The following SCAI variants were observed in gnomAD, a reference collection of about 807,000 sequenced individuals.
SCAI encodes the protein suppressor of cancer cell invasion, also known as protein SCAI.
A neutral mutation model predicts 92.2 loss-of-function variants in SCAI; 24 were observed. That is an observed-to-expected ratio of 0.26 (90% confidence interval 0.19 to 0.37). The LOEUF is 0.37. Among genes scored for constraint, SCAI ranks in the 10% least tolerant of loss-of-function variants. SCAI has a pLI of 1.00. For synonymous variants in SCAI, 261 were observed against 258.6 expected (o/e 1.01, Z -0.09); for missense variants, 450 against 736.2 (o/e 0.61, Z 4.50).
chr9:125,022,198 T>A (rs1341314934), intron 6 of SCAI, among the ~76,000 whole-genome samples: 2 of 152,202 alleles, frequency 1.3e-5, no homozygotes, highest in African/African-American at 4.8e-5. Flanking sequence ...AACACTTTGC[T>A]TTATCATAAT....
chr9:125,136,267 C>T lies in SCAI; in HGVS notation c.98+6366G>A, dbSNP rs181581995. On this transcript the variant is annotated intron_variant, in intron 2 of 17. Transcript: ENST00000336505. Reference sequence around the variant, plus strand: ...CTGGGACTACAGGTGTGTACCACCACACCTGGCTAATTTTCGTATTTTTGG... The same window carrying T: ...CTGGGACTACAGGTGTGTACCACCATACCTGGCTAATTTTCGTATTTTTGG... 2.8e-4 allele frequency among the ~76,000 whole-genome samples: 43 copies of T among 151,524 alleles called. No homozygotes were observed. The East Asian group carries it at 8.2e-3, about 29-fold the overall frequency.
intron 6 of SCAI, among the ~76,000 whole-genome samples, chr9:125,026,475 T>C (rs1244350676): frequency 6.6e-6 from 1 of 151,990 alleles, no homozygotes; most frequent in East Asian, 1.9e-4. Context: ...TGAAGAGATA[T>C]GAATTAAGAT....
intron 14 of SCAI, among the ~76,000 whole-genome samples, chr9:124,984,505 G>T (rs955985789): frequency 7.9e-5 from 12 of 152,206 alleles, no homozygotes; most frequent in African/African-American, 2.9e-4. Context: ...GGCAGAGGAG[G>T]TAATAGGATC....
At chr9:125,004,161 G>A (rs1483446175) in intron 9 of SCAI, among the ~76,000 whole-genome samples, 1 of 151,972 alleles carries the variant, frequency 6.6e-6, no homozygotes, top group African/African-American at 2.4e-5. Flanking sequence ...GGGTAACAGA[G>A]AAAGACTCTG....
In SCAI at chr9:125,070,927, C is replaced by T. The variant is rs1428423001; in HGVS notation, c.99-14920G>A. Among the ~76,000 whole-genome samples the T allele has an allele frequency of 2.0e-5, 3 of 152,184 alleles. No individual in the cohort carries two copies. The East Asian group carries it at 5.8e-4, about 29-fold the overall frequency. ...TAATTCCCATGTGTTGTGGGAGGGA[C>T]CCGGCGAGAGATAATTGGATCATGG... On this transcript the variant is annotated intron_variant, in intron 2 of 17. Coordinates refer to ENST00000336505, the MANE Select transcript of SCAI (RefSeq NM_001144877.3).
At chr9:125,138,900 T>C (rs1835604356) in intron 2 of SCAI, among the ~76,000 whole-genome samples, 1 of 152,246 alleles carries the variant, frequency 6.6e-6, no homozygotes, top group Non-Finnish European at 1.5e-5. Context: ...GACAGGCTTA[T>C]TAACTTGCAC....
intron 3 of SCAI, among the ~76,000 whole-genome samples, chr9:125,040,070 T>A (rs1335146475): frequency 6.6e-6 from 1 of 152,146 alleles, no homozygotes; most frequent in East Asian, 1.9e-4. Flanking sequence ...TAAGAATGAT[T>A]TTGGCAGGGG....
chr9:125,021,752 C>G (rs1352227119), intron 6 of SCAI, among the ~76,000 whole-genome samples: 2 of 151,990 alleles, frequency 1.3e-5, no homozygotes, highest in Non-Finnish European at 2.9e-5. Flanking sequence ...AGAAATGTGT[C>G]TATTGATTGA....
At chr9:124,967,251 T>C (rs545584799) in intron 17 of SCAI, among the ~76,000 whole-genome samples, 2 of 152,276 alleles carry the variant, frequency 1.3e-5, no homozygotes, top group East Asian at 1.9e-4. Context: ...AGCTCACAAA[T>C]TGTTCTTTGT....
At chr9:125,063,382 AG>A (rs1038859328) in intron 2 of SCAI, among the ~76,000 whole-genome samples, 2 of 148,582 alleles carry the variant, frequency 1.3e-5, no homozygotes, top group African/African-American at 2.5e-5. Flanking sequence ...ATCTCAAAGG[AG>A]GAAAAAAAAA....
chr9:124,976,593 G>T (rs547858579), intron 14 of SCAI, among the ~76,000 whole-genome samples: 1 of 152,014 alleles, frequency 6.6e-6, no homozygotes, highest in African/African-American at 2.4e-5. Context: ...TCTTATTGTG[G>T]GTCATAATAA....
intron 2 of SCAI, among the ~76,000 whole-genome samples, chr9:125,064,312 T>C (rs1278392454): frequency 6.6e-6 from 1 of 152,174 alleles, no homozygotes; most frequent in Non-Finnish European, 1.5e-5. Flanking sequence ...ATATGTCTTT[T>C]TTATTCACAT....
chr9:125,011,988 T>C (rs184862124), intron 9 of SCAI, among the ~76,000 whole-genome samples: 2,001 of 152,166 alleles, frequency 0.013, 24 homozygotes, highest in Middle Eastern at 0.044. Flanking sequence ...TGCTGAGAGA[T>C]TTTGTCATCA....
chr9:125,051,429 A>G (rs1262796004), intron 3 of SCAI, among the ~76,000 whole-genome samples: 1 of 152,204 alleles, frequency 6.6e-6, no homozygotes, highest in Non-Finnish European at 1.5e-5. Context: ...AAAATTTATC[A>G]TTATTAGTAT....
chr9:124,984,593 C>T (rs570183086), intron 14 of SCAI, among the ~76,000 whole-genome samples: 3 of 152,120 alleles, frequency 2.0e-5, no homozygotes, highest in South Asian at 4.1e-4. Context: ...TAGTCAAGTA[C>T]GAAATCAAGG....
chr9:125,010,478 G>T (rs536253400), intron 9 of SCAI, among the ~76,000 whole-genome samples: 4 of 152,232 alleles, frequency 2.6e-5, no homozygotes, highest in African/African-American at 9.6e-5. Context: ...GAGGCTGGGG[G>T]AGGGGTACCC....
intron 2 of SCAI, among the ~76,000 whole-genome samples, chr9:125,083,510 T>A (rs972738756): frequency 6.1e-4 from 68 of 111,668 alleles, no homozygotes; most frequent in Admixed American, 1.9e-3. Context: ...ACAGTGAGAC[T>A]CCATCTCAAA....
intron 11 of SCAI, among the ~76,000 whole-genome samples, chr9:125,002,488 G>GTTTTTTTTTTGTTT (rs1832381302): frequency 8.0e-6 from 1 of 125,106 alleles, no homozygotes; most frequent in African/African-American, 3.2e-5. Flanking sequence ...TTTTTAGTCT[G>GTTTTTTTTTTGTTT]TTTTTTTTTT....
In SCAI at chr9:125,066,463, TA is replaced by T. The variant is rs1378496396; in HGVS notation, c.99-10457del. Among the ~76,000 whole-genome samples, 18 of 137,324 alleles carry T rather than the reference TA, an allele frequency of 1.3e-4. No homozygotes were observed. The South Asian group carries it at 2.1e-3, about 16-fold the overall frequency. 90.1% of individuals were successfully genotyped at this position (137,324 alleles called of 152,430 possible). On this transcript the variant is annotated intron_variant, in intron 2 of 17. Coordinates refer to ENST00000336505, the MANE Select transcript of SCAI (RefSeq NM_001144877.3). ...TTTTATTTTATTTTATTTATTTATT[TA>T]TTTTTTTTTGAGACGGAGTCTCGCT...
Sources: allele counts gnomAD v4.1 joint callset (sites outside exome capture counted in the v4.1 genomes callset), GRCh38; gene constraint gnomAD v4.1.1; transcripts MANE v1.5; gene names NCBI Gene and HGNC (gene_info 2026-07-23, HGNC 2026-07-21).